Variants in AGBL4 observed in about 807,000 individuals in gnomAD.
The protein encoded by AGBL4 is cytosolic carboxypeptidase 6.
A neutral mutation model predicts 66.4 loss-of-function variants in AGBL4; 58 were observed. That is an observed-to-expected ratio of 0.87 (90% CI 0.71 to 1.09). The LOEUF (loss-of-function observed/expected upper bound fraction) is 1.09. Among genes scored for constraint, AGBL4 ranks in the 50% least tolerant of loss-of-function variants. The probability of loss-of-function intolerance (pLI) is 0.00; values close to 1 mark genes in which losing one functional copy is unlikely to be tolerated. For synonymous variants in AGBL4, 234 were observed against 222.9 expected (o/e 1.05, Z -0.44); for missense variants, 579 against 631.0 (o/e 0.92, Z 0.88).
At chr1:49,846,634 G>A (rs1472457712) in intron 2 of AGBL4, among the ~76,000 whole-genome samples, 2 of 152,092 alleles carry the variant, frequency 1.3e-5, no homozygotes, top group African/African-American at 2.4e-5. Flanking sequence ...CATGATAGGT[G>A]TATGACCAAG....
At chr1:49,547,963 G>A (rs867685929) in intron 3 of AGBL4, among the ~76,000 whole-genome samples, 5 of 152,048 alleles carry the variant, frequency 3.3e-5, no homozygotes, top group Admixed American at 1.3e-4. Context: ...TAGTAGAGAC[G>A]GGGTTTCACC....
chr1:49,646,906 T>G (rs1030916749), intron 3 of AGBL4, among the ~76,000 whole-genome samples: 1 of 151,718 alleles, frequency 6.6e-6, no homozygotes, highest in African/African-American at 2.4e-5. Context: ...GCAAAGTCAA[T>G]TCAATGAAAA....
chr1:49,335,240 C>G (rs1645410607), intron 3 of AGBL4, among the ~76,000 whole-genome samples: 1 of 152,188 alleles, frequency 6.6e-6, no homozygotes, highest in South Asian at 2.1e-4. Flanking sequence ...TTTCTTCTTT[C>G]TCTCAAACTC....
chr1:48,769,526 AACACACAC>A (rs558937968), intron 6 of AGBL4, among the ~76,000 whole-genome samples: 3,357 of 130,286 alleles, frequency 0.026, 61 homozygotes, highest in Middle Eastern at 0.088. Flanking sequence ...GAGGATTTAA[AACACACAC>A]ACACACACAC....
rs74990284 is a variant in AGBL4 at position 49,020,329 on chromosome 1, A to C, written c.594+25255T>G. 1.5e-3 allele frequency among the ~76,000 whole-genome samples: 235 copies of C among 152,296 alleles called. 1 individual carries two copies. Among genetic ancestry groups the C allele is most frequent in the Non-Finnish European group, 2.9e-3 (196 of 68,020 alleles). On this transcript the variant is annotated intron_variant, in intron 5 of 13. Coordinates refer to ENST00000371839, the MANE Select transcript of AGBL4 (RefSeq NM_032785.4). Reference sequence around the variant, plus strand: ...AGAATTATCAGCCCTTGGGCCTGTAAACAACTTCATGGAACCTCATCCACA... The same window carrying C: ...AGAATTATCAGCCCTTGGGCCTGTACACAACTTCATGGAACCTCATCCACA...
At chr1:49,304,250 G>A (rs1644809171) in intron 3 of AGBL4, among the ~76,000 whole-genome samples, 2 of 152,222 alleles carry the variant, frequency 1.3e-5, no homozygotes, top group Admixed American at 1.3e-4. Flanking sequence ...TTTCCCCATT[G>A]CTTGTTTTGT....
At chr1:49,463,087 G>T (rs1406262214) in intron 3 of AGBL4, among the ~76,000 whole-genome samples, 3 of 151,708 alleles carry the variant, frequency 2.0e-5, no homozygotes, top group Non-Finnish European at 4.4e-5. Flanking sequence ...CATGGGCCAG[G>T]ACCTTTACAT....
intron 4 of AGBL4, among the ~76,000 whole-genome samples, chr1:49,209,965 T>C (rs1198170199): frequency 1.3e-5 from 2 of 152,080 alleles, no homozygotes; most frequent in Non-Finnish European, 2.9e-5. Context: ...CTCCAGGACA[T>C]AAAATATAGA....
At chr1:48,735,731 C>A (rs1648937822) in intron 6 of AGBL4, among the ~76,000 whole-genome samples, 1 of 152,070 alleles carries the variant, frequency 6.6e-6, no homozygotes, top group African/African-American at 2.4e-5. Context: ...CTGCTCCAGG[C>A]ACAATGCTAG....
chr1:49,971,633 A>G (rs1658089538), intron 1 of AGBL4, among the ~76,000 whole-genome samples: 1 of 152,084 alleles, frequency 6.6e-6, no homozygotes, highest in Admixed American at 6.6e-5. Context: ...TTGCTGTCAT[A>G]CCTTAAACTA....
chr1:48,705,861 GTGA>G (rs3065767), intron 6 of AGBL4, among the ~76,000 whole-genome samples: 81,486 of 151,654 alleles, frequency 0.54, 24,668 homozygotes, highest in Non-Finnish European at 0.69. Context: ...AGATTGAACA[GTGA>G]TGAACCTATT....
chr1:49,373,746 C>G (rs1644414704), intron 3 of AGBL4, among the ~76,000 whole-genome samples: 1 of 151,944 alleles, frequency 6.6e-6, no homozygotes, highest in Non-Finnish European at 1.5e-5. Flanking sequence ...CTGTCTGACT[C>G]CAAAGTCCAG....
rs370189634 is a variant in AGBL4, at chr1:49,782,282, T to C, written c.157+69114A>G. Among the ~76,000 whole-genome samples, 38 of 152,056 alleles carry C rather than the reference T, an allele frequency of 2.5e-4. 1 individual carries two copies. Among genetic ancestry groups the C allele is most frequent in the African/African-American group, 9.2e-4 (38 of 41,502 alleles). ...AAATTAAGAATAAAAAGATGAGGCA[T>C]CACTAACAACCTTAAATAAAAAGAA... On this transcript the variant is annotated intron_variant, in intron 2 of 13. Transcript: ENST00000371839.
intron 9 of AGBL4, among the ~76,000 whole-genome samples, chr1:48,591,883 T>C (rs1644924214): frequency 6.6e-6 from 1 of 152,224 alleles, no homozygotes; most frequent in Non-Finnish European, 1.5e-5. Flanking sequence ...GTAGGAGGAT[T>C]GTCTATAAAG....
chr1:49,886,949 T>C (rs1571805396), intron 1 of AGBL4, among the ~76,000 whole-genome samples: 1 of 151,992 alleles, frequency 6.6e-6, no homozygotes, highest in East Asian at 1.9e-4. Context: ...GTTCTCCAAA[T>C]TGTGGCCTAT....
At chr1:49,611,815 T>C (rs1255998984) in intron 3 of AGBL4, among the ~76,000 whole-genome samples, 1 of 152,224 alleles carries the variant, frequency 6.6e-6, no homozygotes, top group African/African-American at 2.4e-5. Flanking sequence ...AAATACATTG[T>C]TCAGGTTCTA....
At chr1:49,961,510 CATAAA>C (rs1265475268) in intron 1 of AGBL4, among the ~76,000 whole-genome samples, 4 of 152,052 alleles carry the variant, frequency 2.6e-5, no homozygotes, top group Non-Finnish European at 5.9e-5. Flanking sequence ...GTGTCTAAAA[CATAAA>C]ATAAAATCAT....
At chr1:49,812,016 T>G (rs1489748651) in intron 2 of AGBL4, among the ~76,000 whole-genome samples, 1 of 152,200 alleles carries the variant, frequency 6.6e-6, no homozygotes, top group East Asian at 1.9e-4. Context: ...AAATTTTTGT[T>G]TGTTTTCTGT....
intron 5 of AGBL4, among the ~76,000 whole-genome samples, chr1:49,021,041 T>C (rs932136505): frequency 6.6e-6 from 1 of 152,162 alleles, no homozygotes; most frequent in Admixed American, 6.5e-5. Flanking sequence ...CCTAGAGGCA[T>C]AAGGATAAAG....
Sources: allele counts gnomAD v4.1 joint callset (sites outside exome capture counted in the v4.1 genomes callset), GRCh38; gene constraint gnomAD v4.1.1; transcripts MANE v1.5; gene names NCBI Gene and HGNC (gene_info 2026-07-23, HGNC 2026-07-21).